Variants in UCHL5 observed in about 807,000 individuals in gnomAD.
UCHL5 encodes the protein ubiquitin carboxyl-terminal hydrolase isozyme L5.
Under a neutral mutation model 53.8 loss-of-function variants are expected in UCHL5, and 34 were observed. The ratio of observed to expected loss-of-function variants is 0.63; its 90% CI spans 0.48 to 0.84. The LOEUF (loss-of-function observed/expected upper bound fraction) is 0.84. Ranked by LOEUF, UCHL5 falls within the 40% of genes least tolerant of loss-of-function variation. The pLI is 0.00. For missense variants in UCHL5, 290 were observed against 385.6 expected (o/e 0.75, Z 2.08); for synonymous variants, 111 against 126.3 (o/e 0.88, Z 0.81).
At chr1:193,027,933 G>A (rs992671888) in intron 7 of UCHL5, 152 bp downstream of exon 7, 2 of 1,477,322 alleles carry the variant, frequency 1.4e-6, no homozygotes, top group African/African-American at 2.9e-5. Flanking sequence ...GACCAGCCTG[G>A]GCAACATGGT....
intron 2 of UCHL5, among the ~76,000 whole-genome samples, chr1:193,050,686 C>A (rs944947999): frequency 1.3e-5 from 2 of 151,264 alleles, no homozygotes; most frequent in Non-Finnish European, 2.9e-5. Context: ...GCAGAGACTG[C>A]AGTGAGCCGA....
intron 3 of UCHL5, among the ~76,000 whole-genome samples, chr1:193,036,198 T>C (rs535666754): frequency 6.6e-6 from 1 of 151,142 alleles, no homozygotes; most frequent in Non-Finnish European, 1.5e-5. Context: ...ATAGAGTCTC[T>C]GAGTTCATAA....
intron 1 of UCHL5, among the ~76,000 whole-genome samples, chr1:193,053,672 A>G (rs1357761773): frequency 6.6e-6 from 1 of 152,182 alleles, no homozygotes; most frequent in Admixed American, 6.5e-5. Context: ...TGCTTCATCC[A>G]AGCCACAAAA....
intron 10 of UCHL5, chr1:193,018,613 A>T: frequency 1.2e-5 from 15 of 1,248,384 alleles, no homozygotes; most frequent in Non-Finnish European, 1.5e-5. Context: ...GCCGAGGGAG[A>T]ATCACTTTTT....
At chr1:193,054,022 C>CAG (rs1669883399) in intron 1 of UCHL5, among the ~76,000 whole-genome samples, 1 of 139,962 alleles carries the variant, frequency 7.1e-6, no homozygotes, top group African/African-American at 2.6e-5. Flanking sequence ...CACTGGTTAC[C>CAG]AAAAAAAAAA....
chr1:193,034,143 A>C (rs1662516563), intron 3 of UCHL5, among the ~76,000 whole-genome samples: 1 of 152,150 alleles, frequency 6.6e-6, no homozygotes, highest in Admixed American at 6.5e-5. Flanking sequence ...GGCGGCTAAA[A>C]GGAGAAATAA....
chr1:193,020,237 C>A, intron 10 of UCHL5: 1 of 1,472,780 alleles, frequency 6.8e-7, no homozygotes. Context: ...GAATGTATAA[C>A]ATGAAACAGC....
At chr1:193,023,787 C>T (rs1658056426) in intron 8 of UCHL5, 57 bp downstream of exon 8, 1 of 1,303,762 alleles carries the variant, frequency 7.7e-7, no homozygotes, top group Non-Finnish European at 1.1e-6. Context: ...AAAGTAAATA[C>T]TTTTCCTGAG....
At chr1:193,022,829 G>T (rs1001783001) in intron 9 of UCHL5, 97 bp downstream of exon 9, 1 of 767,542 alleles carries the variant, frequency 1.3e-6, no homozygotes, top group Non-Finnish European at 2.2e-6. Flanking sequence ...TCTGGTAAAT[G>T]ATAGGAGGGA....
intron 3 of UCHL5, among the ~76,000 whole-genome samples, chr1:193,046,272 C>G (rs1228131782): frequency 6.6e-6 from 1 of 152,028 alleles, no homozygotes; most frequent in African/African-American, 2.4e-5. Context: ...CTCAAGTGAT[C>G]CTCCCACCTC....
intron 3 of UCHL5, among the ~76,000 whole-genome samples, chr1:193,037,493 A>T (rs1311274273): frequency 6.6e-6 from 1 of 152,148 alleles, no homozygotes; most frequent in Non-Finnish European, 1.5e-5. Context: ...AGCCATAATT[A>T]AAAGTAAAGC....
Position 193,016,257 on chromosome 1 carries a change from A to G in UCHL5, c.*94T>C. On this transcript the variant is annotated 3_prime_UTR_variant, in exon 11 of 11. Coordinates refer to ENST00000367454, the MANE Select transcript of UCHL5 (RefSeq NM_001199261.3). ...TGGCACTATTGCCAAACGTGCACTG[A>G]GCCAATTAGGATGTTGCTCTAAGTT... is the stretch of plus-strand genomic sequence containing the variant. 1.4e-6 allele frequency: 2 copies of G among 1,452,896 alleles called. No homozygotes were observed. The highest frequency in any genetic ancestry group is 1.9e-6 in the Non-Finnish European group (2 of 1,064,856). The allele number at this position is 1,452,896 out of a possible 1,614,324, so 90.0% of individuals were successfully genotyped here.
chr1:193,047,143 C>T (rs1667582668), intron 3 of UCHL5, among the ~76,000 whole-genome samples: 1 of 152,000 alleles, frequency 6.6e-6, no homozygotes, highest in Non-Finnish European at 1.5e-5. Flanking sequence ...GTAAATGTTG[C>T]CTACTGTTTG....
At chr1:193,046,995 T>G (rs1288549400) in intron 3 of UCHL5, among the ~76,000 whole-genome samples, 1 of 152,064 alleles carries the variant, frequency 6.6e-6, no homozygotes, top group Non-Finnish European at 1.5e-5. Context: ...TACTACATAT[T>G]ATCTCTGTGA....
intron 3 of UCHL5, among the ~76,000 whole-genome samples, chr1:193,041,447 T>A (rs1198291720): frequency 6.6e-6 from 1 of 152,178 alleles, no homozygotes; most frequent in South Asian, 2.1e-4. Flanking sequence ...TGGAACCAAT[T>A]AGCTGACAAA....
chr1:193,022,044 T>C (rs1026052464), intron 9 of UCHL5, among the ~76,000 whole-genome samples: 3 of 152,140 alleles, frequency 2.0e-5, no homozygotes, highest in Non-Finnish European at 4.4e-5. Context: ...GGTAATTTAC[T>C]TTTTTTAATA....
rs1350316825 is a variant in UCHL5 at position 193,013,651 on chromosome 1, T to TC, written c.*2699dup. The TC allele has an allele frequency of 9.2e-5, 14 of 152,278 alleles. No individual in the cohort carries two copies. Among genetic ancestry groups the TC allele is most frequent in the African/African-American group, 3.1e-4 (13 of 41,572 alleles). The allele number at this position is 152,278 out of a possible 1,614,324, so 9.4% of individuals were successfully genotyped here. On this transcript the variant is annotated 3_prime_UTR_variant, in exon 11 of 11. Coordinates refer to ENST00000367454, the MANE Select transcript of UCHL5 (RefSeq NM_001199261.3). Reference sequence around the variant, plus strand: ...GAGAATACATTAAAAGCCCTTTTTTTCCCTCAAATAAACAAAATCCTCCTA... The same window carrying TC: ...GAGAATACATTAAAAGCCCTTTTTTTCCCCTCAAATAAACAAAATCCTCCTA...
At chr1:193,025,035 G>C (rs1165433930) in intron 7 of UCHL5, among the ~76,000 whole-genome samples, 1 of 152,100 alleles carries the variant, frequency 6.6e-6, no homozygotes, top group African/African-American at 2.4e-5. Flanking sequence ...GGGGAACTCA[G>C]GAACCAAGAA....
rs761780190 is a variant in UCHL5, at chr1:193,049,706, G to C, written c.246+40C>G. 3 of 1,495,878 alleles carry C rather than the reference G, an allele frequency of 2.0e-6. No individual in the cohort carries two copies. The South Asian group carries it at 3.8e-5, about 19-fold the overall frequency. 92.7% of individuals were successfully genotyped at this position (1,495,878 alleles called of 1,614,324 possible). ...AAACTAGAGTCTTGTTTATAAAAAG[G>C]GTTGCTCTTGAGACTTTTCAGAGTA... On this transcript the variant is annotated intron_variant, in intron 3 of 10. Transcript: ENST00000367454.
Sources: gnomAD v4.1 joint callset for allele counts (sites outside exome capture counted in the v4.1 genomes callset) on GRCh38, gnomAD v4.1.1 for gene constraint, MANE v1.5 for transcripts, NCBI Gene and HGNC (gene_info 2026-07-23, HGNC 2026-07-21) for gene names.